Variants in ZNF345 observed in about 807,000 individuals in gnomAD.
ZNF345 encodes zinc finger protein HZF10.
For missense variants in ZNF345, 527 were observed against 589.9 expected (o/e 0.89, Z 1.10); for synonymous variants, 166 against 187.9 (o/e 0.88, Z 0.95).
At chr19:36,872,194 G>A in intron 2 of ZNF345, among the ~76,000 whole-genome samples, 1 of 152,096 alleles carries the variant, frequency 6.6e-6, no homozygotes, top group East Asian at 1.9e-4. Context: ...AATATATTTG[G>A]CAAGCATACC....
downstream of ZNF345, among the ~76,000 whole-genome samples, chr19:36,883,125 T>C (rs1406210409): frequency 6.6e-6 from 1 of 152,228 alleles, no homozygotes; most frequent in East Asian, 1.9e-4. Flanking sequence ...ATAAACACCA[T>C]ATAGTTAGTG....
chr19:36,875,162 A>C (rs926288930), intron 2 of ZNF345, among the ~76,000 whole-genome samples: 1 of 152,208 alleles, frequency 6.6e-6, no homozygotes. Context: ...CAAGCATTCA[A>C]ACAAATATGA....
At chr19:36,893,140 G>A (rs944230782), downstream of ZNF345, 5 of 395,640 alleles carry the variant, frequency 1.3e-5, no homozygotes, top group African/African-American at 4.1e-5. Context: ...TGTCGGGGGC[G>A]GGTGGAGTTC....
intron 2 of ZNF345, among the ~76,000 whole-genome samples, chr19:36,872,255 A>G (rs73611677): frequency 0.17 from 25,286 of 152,156 alleles, 2,469 homozygotes; most frequent in Middle Eastern, 0.27. Context: ...TGGGAGGAAC[A>G]TATTGTCAGG....
chr19:36,874,668 ACTGAGGAGG>A (rs776459800), intron 2 of ZNF345, among the ~76,000 whole-genome samples: 2 of 150,662 alleles, frequency 1.3e-5, no homozygotes, highest in Non-Finnish European at 3.0e-5. Context: ...AATCCCAGGT[ACTGAGGAGG>A]CTGAGGCAGG....
downstream of ZNF345, among the ~76,000 whole-genome samples, chr19:36,883,313 G>C (rs932981514): frequency 6.6e-6 from 1 of 152,102 alleles, no homozygotes; most frequent in African/African-American, 2.4e-5. Context: ...ACTCGTCATG[G>C]TCATTTAATG....
downstream of ZNF345, among the ~76,000 whole-genome samples, chr19:36,881,361 C>T (rs890024928): frequency 6.6e-6 from 1 of 152,146 alleles, no homozygotes; most frequent in Non-Finnish European, 1.5e-5. Context: ...ATTACGATTA[C>T]ATGTAACCTT....
intron 2 of ZNF345, among the ~76,000 whole-genome samples, chr19:36,868,687 T>A (rs1165377727): frequency 6.8e-6 from 1 of 147,924 alleles, no homozygotes; most frequent in Non-Finnish European, 1.5e-5. Flanking sequence ...AGTGCAGTGG[T>A]GGAGCTCGGC....
chr19:36,861,040 T>A (rs543478172), intron 2 of ZNF345, among the ~76,000 whole-genome samples: 2 of 152,312 alleles, frequency 1.3e-5, no homozygotes, highest in East Asian at 3.9e-4. Flanking sequence ...CACTTATTCG[T>A]TTATGTCAAT....
chr19:36,878,319 C>A lies in ZNF345; in HGVS notation c.*22C>A. On this transcript the variant is annotated 3_prime_UTR_variant, in exon 3 of 3. Coordinates refer to ENST00000420450, the MANE Select transcript of ZNF345 (RefSeq NM_001242472.2). ...TTGAAATTATGTGCTGAAGGAAGGACTCTAAACATATGACTTAAGAAAATT... is the reference window on the plus strand; with the variant it reads ...TTGAAATTATGTGCTGAAGGAAGGAATCTAAACATATGACTTAAGAAAATT... The A allele has an allele frequency of 6.5e-7, 1 of 1,529,318 alleles. No homozygotes were observed. The highest frequency in any genetic ancestry group is 8.7e-7 in the Non-Finnish European group (1 of 1,142,948). The allele number at this position is 1,529,318 out of a possible 1,614,324, so 94.7% of individuals were successfully genotyped here.
At chr19:36,881,571 C>G (rs901873798), downstream of ZNF345, among the ~76,000 whole-genome samples, 2 of 152,034 alleles carry the variant, frequency 1.3e-5, no homozygotes, top group African/African-American at 4.8e-5. Flanking sequence ...TTCTGGCATT[C>G]AATCACATTT....
chr19:36,860,083 G>A (rs980475829), intron 2 of ZNF345, among the ~76,000 whole-genome samples: 3 of 151,874 alleles, frequency 2.0e-5, no homozygotes, highest in East Asian at 3.9e-4. Flanking sequence ...TCAGCCTCCC[G>A]AGTAGCTGGA....
chr19:36,868,379 A>C (rs561175536), intron 2 of ZNF345, among the ~76,000 whole-genome samples: 5 of 152,198 alleles, frequency 3.3e-5, no homozygotes, highest in African/African-American at 1.2e-4. Flanking sequence ...TTCTTTCTCC[A>C]TTCAGTGGAC....
chr19:36,877,725 T>G lies in ZNF345; in HGVS notation c.895T>G (p.Ser299Ala). ...KECGKAFNSG[S>A]DLTQHQRIHT... ...ATGTGGGAAGGCTTTTAATAGTGGC[T>G]CAGATCTCACTCAGCATCAGAGAAT... Residue 299 changes from serine to alanine, a missense_variant, in exon 3 of 3, where the codon TCA becomes GCA. Physicochemically the swap from Ser to Ala is moderately conservative, Grantham distance 99. Coordinates refer to ENST00000420450, the MANE Select transcript of ZNF345 (RefSeq NM_001242472.2). The G allele has an allele frequency of 6.2e-7, 1 of 1,614,050 alleles. No individual in the cohort carries two copies.
At chr19:36,874,267 G>A (rs1031073568) in intron 2 of ZNF345, among the ~76,000 whole-genome samples, 3 of 152,178 alleles carry the variant, frequency 2.0e-5, no homozygotes, top group East Asian at 3.9e-4. Context: ...GCCAAGGCAG[G>A]TGGATCACTT....
intron 2 of ZNF345, among the ~76,000 whole-genome samples, chr19:36,872,065 C>A (rs577011383): frequency 7.2e-5 from 11 of 152,198 alleles, no homozygotes; most frequent in Admixed American, 2.6e-4. Flanking sequence ...CCATGCCCGG[C>A]CCTGTTTTAT....
chr19:36,877,801 G>T lies in ZNF345; in HGVS notation c.971G>T (p.Arg324Ile), dbSNP rs1051324710. Residue 324 changes from arginine to isoleucine, a missense_variant, in exon 3 of 3, where the codon AGA becomes ATA. Physicochemically the swap from Arg to Ile is moderately conservative, Grantham distance 97. Coordinates refer to ENST00000420450, the MANE Select transcript of ZNF345 (RefSeq NM_001242472.2). ...TGTAAGGAGTGTGAGAAAGCCTTTAGAAGTGGTTCAAAACTTATTCAGCAT... is the reference window on the plus strand; with the variant it reads ...TGTAAGGAGTGTGAGAAAGCCTTTATAAGTGGTTCAAAACTTATTCAGCAT... ...YECKECEKAFRSGSKLIQHQR... is the reference protein window; with the variant it reads ...YECKECEKAFISGSKLIQHQR... 1.9e-6 allele frequency: 3 copies of T among 1,613,686 alleles called. No homozygotes were observed. Among genetic ancestry groups the T allele is most frequent in the Non-Finnish European group, 1.7e-6 (2 of 1,179,910 alleles).
Position 36,892,928 on chromosome 19 carries a change from GC to G in ZNF345, c.159del (p.Met54TrpfsTer?). On this transcript the variant is annotated frameshift_variant, in exon 4 of 4. Transcript: ENST00000526123. LOFTEE classifies it high-confidence loss of function. Reference sequence around the variant, plus strand: ...GCCCAGGCAGGGGTTAAGCTGGAGGGCCATGGAGGAGGACAGGCCAGCAGGA... The same window carrying G: ...GCCCAGGCAGGGGTTAAGCTGGAGGGCATGGAGGAGGACAGGCCAGCAGGA... The G allele has an allele frequency of 1.1e-6, 1 of 941,898 alleles. No individual in the cohort carries two copies. The highest frequency in any genetic ancestry group is 1.4e-6 in the Non-Finnish European group (1 of 715,616). The allele number at this position is 941,898 out of a possible 1,614,324, so 58.3% of individuals were successfully genotyped here.
At chr19:36,852,144 T>C (rs1308392877) in intron 2 of ZNF345, among the ~76,000 whole-genome samples, 5 of 148,382 alleles carry the variant, frequency 3.4e-5, no homozygotes. Flanking sequence ...TTTTTTTTTT[T>C]TTTGAGACAG....
Sources: allele counts gnomAD v4.1 joint callset (sites outside exome capture counted in the v4.1 genomes callset), GRCh38; gene constraint gnomAD v4.1.1; transcripts MANE v1.5; gene names NCBI Gene and HGNC (gene_info 2026-07-23, HGNC 2026-07-21).